WDFY1: variants seen among roughly 807,000 people sequenced by gnomAD.
WDFY1 encodes WD repeat and FYVE domain containing 1.
In WDFY1, 32 loss-of-function variants were observed where a neutral mutation model predicts 56.4. The observed-to-expected ratio is 0.57, with a 90% CI of 0.43 to 0.76. The LOEUF (loss-of-function observed/expected upper bound fraction) is 0.76, where lower values mean the gene tolerates loss of function less well. WDFY1 is among the 30% of genes least tolerant of loss of function. The pLI is 0.00. For synonymous variants in WDFY1, 192 were observed against 197.3 expected (o/e 0.97, Z 0.23); for missense variants, 480 against 545.7 (o/e 0.88, Z 1.20).
At chr2:223,887,018 G>A (rs942320270) in intron 8 of WDFY1, among the ~76,000 whole-genome samples, 1 of 152,148 alleles carries the variant, frequency 6.6e-6, no homozygotes, top group African/African-American at 2.4e-5. Flanking sequence ...ACTGAAATAG[G>A]CTGAGATAGA....
At chr2:223,898,864 G>A (rs1693447406) in intron 6 of WDFY1, 94 bp downstream of exon 6, 1 of 928,006 alleles carries the variant, frequency 1.1e-6, no homozygotes, top group Non-Finnish European at 1.7e-6. Flanking sequence ...GACAGATCAT[G>A]AGGAACACAG....
At chr2:223,933,809 C>A (rs1398349397) in intron 1 of WDFY1, among the ~76,000 whole-genome samples, 4 of 145,880 alleles carry the variant, frequency 2.7e-5, no homozygotes, top group East Asian at 2.0e-4. Flanking sequence ...AAAAAAAAAT[C>A]AAAAATTAGC....
At chr2:223,939,989 C>T (rs1018098603) in intron 1 of WDFY1, among the ~76,000 whole-genome samples, 2 of 152,204 alleles carry the variant, frequency 1.3e-5, no homozygotes, top group African/African-American at 4.8e-5. Flanking sequence ...GTTCTCACTG[C>T]TTTTAGCGTT....
chr2:223,888,877 C>CGGTG (rs906059912), intron 8 of WDFY1, among the ~76,000 whole-genome samples: 1 of 147,164 alleles, frequency 6.8e-6, no homozygotes, highest in Non-Finnish European at 1.5e-5. Flanking sequence ...CGTGAGTCAC[C>CGGTG]GTGCCTGGCC....
intron 4 of WDFY1, among the ~76,000 whole-genome samples, chr2:223,903,660 TTA>T (rs1365760371): frequency 3.1e-4 from 46 of 149,746 alleles, no homozygotes; most frequent in African/African-American, 1.0e-3. Flanking sequence ...TTTTTTTTTT[TTA>T]AAAAAAGGGA....
intron 6 of WDFY1, among the ~76,000 whole-genome samples, chr2:223,897,450 C>T (rs1193844718): frequency 6.8e-5 from 10 of 147,192 alleles, no homozygotes; most frequent in Admixed American, 3.5e-4. Context: ...ATGATCTTGG[C>T]TCACTGCAAC....
intron 1 of WDFY1, among the ~76,000 whole-genome samples, chr2:223,934,042 A>C (rs893530362): frequency 6.6e-6 from 1 of 151,270 alleles, no homozygotes; most frequent in Non-Finnish European, 1.5e-5. Flanking sequence ...ATCACAAAGA[A>C]GCACAGTTTC....
intron 1 of WDFY1, among the ~76,000 whole-genome samples, chr2:223,942,641 T>C (rs867167618): frequency 1.5e-3 from 201 of 136,738 alleles, no homozygotes; most frequent in African/African-American, 5.1e-3. Flanking sequence ...GTTCACGCCA[T>C]TCTCCTGCCT....
chr2:223,880,938 C>T (rs1011238875), intron 10 of WDFY1, among the ~76,000 whole-genome samples: 40 of 152,264 alleles, frequency 2.6e-4, no homozygotes, highest in African/African-American at 7.5e-4. Flanking sequence ...TTACAGCACC[C>T]GCTTCAAAGC....
chr2:223,911,062 C>G (rs1364240901), intron 3 of WDFY1, among the ~76,000 whole-genome samples: 1 of 152,174 alleles, frequency 6.6e-6, no homozygotes, highest in African/African-American at 2.4e-5. Flanking sequence ...GTATAGAATG[C>G]TATTCCACTG....
At chr2:223,940,627 C>T (rs998338663) in intron 1 of WDFY1, among the ~76,000 whole-genome samples, 18 of 150,796 alleles carry the variant, frequency 1.2e-4, no homozygotes, top group African/African-American at 3.9e-4. Flanking sequence ...AAATAAGGTC[C>T]AAATTCCTTA....
intron 8 of WDFY1, among the ~76,000 whole-genome samples, chr2:223,890,791 T>C (rs1693256613): frequency 6.6e-6 from 1 of 152,222 alleles, no homozygotes; most frequent in Non-Finnish European, 1.5e-5. Flanking sequence ...CTATACATTC[T>C]GTAACCTACT....
rs538713991 is a variant in WDFY1 at position 223,918,267 on chromosome 2, T to C, written c.138-257A>G. 3.3e-5 allele frequency among the ~76,000 whole-genome samples: 5 copies of C among 152,178 alleles called. No individual in the cohort carries two copies. In the East Asian group the frequency reaches 9.6e-4, roughly 29 times the overall value. On this transcript the variant is annotated intron_variant, in intron 1 of 11. Coordinates refer to ENST00000233055, the MANE Select transcript of WDFY1 (RefSeq NM_020830.5). ...CATATACATACTATATATAGTCACATAAAGTATGATGATATAAGGTAAGTT... is the reference window on the plus strand; with the variant it reads ...CATATACATACTATATATAGTCACACAAAGTATGATGATATAAGGTAAGTT...
At chr2:223,903,989 C>A (rs1215775859) in intron 4 of WDFY1, among the ~76,000 whole-genome samples, 1 of 152,118 alleles carries the variant, frequency 6.6e-6, no homozygotes, top group African/African-American at 2.4e-5. Context: ...GGTCTCCAAG[C>A]CTGGCATTTA....
At chr2:223,895,250 G>C (rs970473085) in intron 7 of WDFY1, among the ~76,000 whole-genome samples, 1 of 152,112 alleles carries the variant, frequency 6.6e-6, no homozygotes, top group African/African-American at 2.4e-5. Flanking sequence ...AGTGGCAAGT[G>C]CTCTTTGGAC....
chr2:223,903,758 C>T (rs1445886743), intron 4 of WDFY1, among the ~76,000 whole-genome samples: 2 of 151,390 alleles, frequency 1.3e-5, no homozygotes, highest in South Asian at 2.1e-4. Flanking sequence ...TCAAGTGATC[C>T]TCCCACCTCG....
At chr2:223,945,087 C>T (rs575791509) in intron 1 of WDFY1, 61 bp downstream of exon 1, 20,451 of 1,507,704 alleles carry the variant, frequency 0.014, 168 homozygotes, top group Non-Finnish European at 0.016. Flanking sequence ...CCGCGGACCC[C>T]ACCGCCCCCA....
intron 1 of WDFY1, among the ~76,000 whole-genome samples, chr2:223,929,854 T>C (rs1235535484): frequency 2.4e-5 from 1 of 42,176 alleles, no homozygotes; most frequent in African/African-American, 5.2e-5. Context: ...CAACTTTCTC[T>C]CTTATCAAGA....
At chr2:223,930,715 C>T (rs1331252926) in intron 1 of WDFY1, among the ~76,000 whole-genome samples, 1 of 152,204 alleles carries the variant, frequency 6.6e-6, no homozygotes, top group Non-Finnish European at 1.5e-5. Context: ...CTGGTTTGCT[C>T]TCACTCTGTG....
Sources: gnomAD v4.1 joint callset for allele counts (sites outside exome capture counted in the v4.1 genomes callset) on GRCh38, gnomAD v4.1.1 for gene constraint, MANE v1.5 for transcripts, NCBI Gene and HGNC (gene_info 2026-07-23, HGNC 2026-07-21) for gene names.